UNC5C: variants seen among roughly 807,000 people sequenced by gnomAD.
The protein encoded by UNC5C is unc-5 netrin receptor C.
In UNC5C, 47 loss-of-function variants were observed where a neutral mutation model predicts 99.8. The ratio of observed to expected loss-of-function variants is 0.47; its 90% CI spans 0.37 to 0.60. The LOEUF is 0.60. Among genes scored for constraint, UNC5C ranks in the 20% least tolerant of loss-of-function variants. The pLI, the probability that UNC5C is intolerant of heterozygous loss-of-function variation, is 0.00. For missense variants in UNC5C, 1,062 were observed against 1,165.9 expected (o/e 0.91, Z 1.30); for synonymous variants, 487 against 452.2 (o/e 1.08, Z -0.98).
chr4:95,514,287 T>C (rs1722155464), intron 1 of UNC5C, among the ~76,000 whole-genome samples: 1 of 152,192 alleles, frequency 6.6e-6, no homozygotes, highest in African/African-American at 2.4e-5. Context: ...TTTGTGCATA[T>C]AAATTAAGGG....
intron 5 of UNC5C, 63 bp downstream of exon 5, chr4:95,250,424 C>A: frequency 6.6e-7 from 1 of 1,523,250 alleles, no homozygotes; most frequent in Admixed American, 2.0e-5. Context: ...TCTAGCTTTA[C>A]CGATGCCAAC....
chr4:95,192,770 A>T (rs577210308), intron 12 of UNC5C, among the ~76,000 whole-genome samples: 1 of 151,254 alleles, frequency 6.6e-6, no homozygotes, highest in African/African-American at 2.4e-5. Flanking sequence ...CTGCATAACA[A>T]CTTGCCCCTC....
intron 1 of UNC5C, among the ~76,000 whole-genome samples, chr4:95,363,345 G>A (rs1374764015): frequency 6.6e-6 from 1 of 152,088 alleles, no homozygotes; most frequent in East Asian, 1.9e-4. Context: ...TCGCATCCCA[G>A]GATTACAGAG....
chr4:95,520,792 G>A (rs1419494541), intron 1 of UNC5C, among the ~76,000 whole-genome samples: 1 of 151,844 alleles, frequency 6.6e-6, no homozygotes, highest in Non-Finnish European at 1.5e-5. Context: ...AGTAGAGACG[G>A]GGTTTCACTG....
intron 1 of UNC5C, among the ~76,000 whole-genome samples, chr4:95,383,742 T>C (rs1745136566): frequency 1.3e-5 from 2 of 152,226 alleles, no homozygotes; most frequent in African/African-American, 4.8e-5. Flanking sequence ...TCAGTTTTAA[T>C]ATTGCATTTG....
rs186070003 is a variant in UNC5C, at chr4:95,263,784, T to C, written c.595-13117A>G. 3.9e-5 allele frequency among the ~76,000 whole-genome samples: 6 copies of C among 152,338 alleles called. No individual in the cohort carries two copies. In the East Asian group the frequency reaches 1.2e-3, roughly 29 times the overall value. On this transcript the variant is annotated intron_variant, in intron 4 of 15. Transcript: ENST00000453304. ...AGGTTCTTGTGAGGTTTGAAAAGGA[T>C]ACTATATGTCAAAGCACTTTTGATG...
At chr4:95,254,069 T>C (rs1739859216) in intron 4 of UNC5C, among the ~76,000 whole-genome samples, 1 of 152,206 alleles carries the variant, frequency 6.6e-6, no homozygotes, top group Non-Finnish European at 1.5e-5. Flanking sequence ...TGGGGATGGG[T>C]AAGTGCTGTG....
At chr4:95,443,266 C>A (rs1309410361) in intron 1 of UNC5C, among the ~76,000 whole-genome samples, 1 of 152,090 alleles carries the variant, frequency 6.6e-6, no homozygotes, top group Non-Finnish European at 1.5e-5. Context: ...AAGGACACAG[C>A]CAGGCAAGGG....
intron 7 of UNC5C, among the ~76,000 whole-genome samples, chr4:95,221,129 ATAAT>A (rs1192124806): frequency 6.6e-6 from 1 of 152,218 alleles, no homozygotes; most frequent in Non-Finnish European, 1.5e-5. Flanking sequence ...ATAGAAGCTG[ATAAT>A]TAAAACAAAC....
At chr4:95,501,560 A>C (rs1721776206) in intron 1 of UNC5C, among the ~76,000 whole-genome samples, 1 of 152,166 alleles carries the variant, frequency 6.6e-6, no homozygotes, top group South Asian at 2.1e-4. Flanking sequence ...AGAAATCTCC[A>C]TCACTATTGT....
chr4:95,266,125 C>T lies in UNC5C; in HGVS notation c.594+12134G>A, dbSNP rs192169143. On this transcript the variant is annotated intron_variant, in intron 4 of 15. Coordinates refer to ENST00000453304, the MANE Select transcript of UNC5C (RefSeq NM_003728.4). ...TTCCAAAAAAACACCTGAAAGAAAT[C>T]TGACTTTCAATTTACCACTGCACAG... Among the ~76,000 whole-genome samples the T allele has an allele frequency of 8.3e-3, 1,264 of 152,252 alleles. 26 individuals carry two copies. Among genetic ancestry groups the T allele is most frequent in the South Asian group, 0.066 (319 of 4,822 alleles).
intron 14 of UNC5C, among the ~76,000 whole-genome samples, chr4:95,177,052 C>G (rs1490627297): frequency 6.6e-6 from 1 of 152,228 alleles, no homozygotes; most frequent in African/African-American, 2.4e-5. Context: ...AGGGAACTCC[C>G]TGACCCCTTG....
chr4:95,252,514 G>T (rs1324443470), intron 4 of UNC5C, among the ~76,000 whole-genome samples: 2 of 152,084 alleles, frequency 1.3e-5, no homozygotes, highest in African/African-American at 4.8e-5. Context: ...TTGACTAATG[G>T]GTGCAGAAAT....
At chr4:95,399,371 C>T (rs962195411) in intron 1 of UNC5C, among the ~76,000 whole-genome samples, 1 of 152,162 alleles carries the variant, frequency 6.6e-6, no homozygotes, top group African/African-American at 2.4e-5. Flanking sequence ...GAGGCAAGAA[C>T]CCTTTCAAGT....
At chr4:95,358,476 C>T (rs147840511) in intron 1 of UNC5C, among the ~76,000 whole-genome samples, 2 of 152,254 alleles carry the variant, frequency 1.3e-5, no homozygotes, top group East Asian at 1.9e-4. Flanking sequence ...GTATGAGTCA[C>T]CTCTAGCAAT....
intron 7 of UNC5C, among the ~76,000 whole-genome samples, chr4:95,236,442 G>A: frequency 6.8e-6 from 1 of 146,034 alleles, no homozygotes; most frequent in East Asian, 2.0e-4. Context: ...GAGCAGTTGG[G>A]GGAGGGGGGA....
At chr4:95,425,584 C>G (rs1323463134) in intron 1 of UNC5C, among the ~76,000 whole-genome samples, 1 of 152,228 alleles carries the variant, frequency 6.6e-6, no homozygotes. Context: ...GTTGGGATTA[C>G]AGGCGTGAGC....
chr4:95,490,448 C>T (rs895482190), intron 1 of UNC5C, among the ~76,000 whole-genome samples: 1 of 151,768 alleles, frequency 6.6e-6, no homozygotes, highest in African/African-American at 2.4e-5. Flanking sequence ...ATTCTAATCA[C>T]TATAAAATAA....
chr4:95,447,784 C>G (rs181992640), intron 1 of UNC5C, among the ~76,000 whole-genome samples: 36 of 152,206 alleles, frequency 2.4e-4, no homozygotes, highest in Middle Eastern at 6.8e-3. Context: ...ATGGGCATGA[C>G]CCACTGCGCC....
Sources: gnomAD v4.1 joint callset for allele counts (sites outside exome capture counted in the v4.1 genomes callset) on GRCh38, gnomAD v4.1.1 for gene constraint, MANE v1.5 for transcripts, NCBI Gene and HGNC (gene_info 2026-07-23, HGNC 2026-07-21) for gene names.